GRB14: variants seen among roughly 807,000 people sequenced by gnomAD.
The protein encoded by GRB14 is growth factor receptor bound protein 14.
A neutral mutation model predicts 69.1 loss-of-function variants in GRB14; 38 were observed. The ratio of observed to expected loss-of-function variants is 0.55; its 90% CI spans 0.42 to 0.72. The LOEUF (loss-of-function observed/expected upper bound fraction) is 0.72. GRB14 is among the 30% of genes least tolerant of loss of function. The pLI is 0.00. For synonymous variants in GRB14, 247 were observed against 241.3 expected (o/e 1.02, Z -0.22); for missense variants, 666 against 666.1 (o/e 1.00, Z 0.00).
intron 6 of GRB14, among the ~76,000 whole-genome samples, chr2:164,511,023 C>G (rs1440973888): frequency 6.6e-6 from 1 of 152,038 alleles, no homozygotes; most frequent in East Asian, 1.9e-4. Flanking sequence ...CAAAACCGAA[C>G]TGAACTCAGC....
intron 6 of GRB14, among the ~76,000 whole-genome samples, chr2:164,513,556 A>C (rs1687395461): frequency 6.6e-6 from 1 of 152,216 alleles, no homozygotes; most frequent in Admixed American, 6.5e-5. Flanking sequence ...ATCCTAAGAC[A>C]AATGCAAAAG....
Position 164,621,342 on chromosome 2 carries a change from A to G in GRB14, c.-33T>C. The G allele has an allele frequency of 3.9e-6, 5 of 1,273,332 alleles. No individual in the cohort carries two copies. The highest frequency in any genetic ancestry group is 5.0e-6 in the Non-Finnish European group (5 of 1,009,394). The allele number at this position is 1,273,332 out of a possible 1,614,324, so 78.9% of individuals were successfully genotyped here. Reference sequence around the variant, plus strand: ...GGCCGGGGGGCTCGGGCGTCATGGGAGACTCGGCGCGTGGGGAGAAGGGGT... The same window carrying G: ...GGCCGGGGGGCTCGGGCGTCATGGGGGACTCGGCGCGTGGGGAGAAGGGGT... On this transcript the variant is annotated 5_prime_UTR_variant, in exon 1 of 14. Transcript: ENST00000263915. This position sits in a 1 kb window ranked among gnomAD's most constrained non-coding sequence, Gnocchi z 6.0.
chr2:164,586,777 T>C (rs1689549433), intron 2 of GRB14, among the ~76,000 whole-genome samples: 1 of 152,138 alleles, frequency 6.6e-6, no homozygotes, highest in Non-Finnish European at 1.5e-5. Context: ...AAGCAAGACA[T>C]CTGAAGGAGA....
intron 2 of GRB14, among the ~76,000 whole-genome samples, chr2:164,548,923 G>A (rs1427715305): frequency 6.6e-6 from 1 of 152,038 alleles, no homozygotes; most frequent in East Asian, 1.9e-4. Flanking sequence ...TGTTGCACAG[G>A]CTGGAGTGCA....
intron 2 of GRB14, 57 bp from the exon 3 acceptor site, chr2:164,547,873 A>C: frequency 8.0e-7 from 1 of 1,246,372 alleles, no homozygotes. Context: ...GTTTTTAATA[A>C]ATTTTATTGT....
At chr2:164,547,235 A>G (rs1228451914) in intron 3 of GRB14, among the ~76,000 whole-genome samples, 1 of 152,214 alleles carries the variant, frequency 6.6e-6, no homozygotes. Flanking sequence ...GACCCCAGCA[A>G]GACAGCGATA....
At chr2:164,523,292 T>C (rs1687682055) in intron 5 of GRB14, among the ~76,000 whole-genome samples, 1 of 151,990 alleles carries the variant, frequency 6.6e-6, no homozygotes, top group Non-Finnish European at 1.5e-5. Flanking sequence ...TGTTACATGG[T>C]AATAATTAAT....
chr2:164,541,403 C>T (rs1424264229), intron 3 of GRB14, among the ~76,000 whole-genome samples: 3 of 151,584 alleles, frequency 2.0e-5, no homozygotes, highest in African/African-American at 7.3e-5. Context: ...ACTTGGGAGG[C>T]GAAGGGTGCA....
intron 6 of GRB14, among the ~76,000 whole-genome samples, chr2:164,521,703 T>G (rs1687638024): frequency 6.6e-6 from 1 of 151,956 alleles, no homozygotes; most frequent in Non-Finnish European, 1.5e-5. Flanking sequence ...AAGCCAAGGA[T>G]GAGGAGAAAG....
At chr2:164,559,098 T>C (rs941833837) in intron 2 of GRB14, among the ~76,000 whole-genome samples, 4 of 152,148 alleles carry the variant, frequency 2.6e-5, no homozygotes, top group Non-Finnish European at 5.9e-5. Context: ...ATACAATCAA[T>C]AAAATATGCT....
At chr2:164,556,604 A>G (rs908572007) in intron 2 of GRB14, among the ~76,000 whole-genome samples, 1 of 152,030 alleles carries the variant, frequency 6.6e-6, no homozygotes, top group African/African-American at 2.4e-5. Flanking sequence ...GCCCTTGCAC[A>G]TGCTACTGCT....
chr2:164,558,875 A>G (rs562360515), intron 2 of GRB14, among the ~76,000 whole-genome samples: 1 of 152,334 alleles, frequency 6.6e-6, no homozygotes, highest in African/African-American at 2.4e-5. Flanking sequence ...TGTTTGCTAG[A>G]GCCCAAGACA....
intron 2 of GRB14, among the ~76,000 whole-genome samples, chr2:164,607,166 CT>C (rs1690061349): frequency 1.3e-5 from 2 of 152,186 alleles, no homozygotes; most frequent in South Asian, 4.1e-4. Context: ...CTAAATTTCA[CT>C]TTTCAAAGTT....
At chr2:164,493,225 C>T in intron 13 of GRB14, 43 bp from the exon 14 acceptor site, 1 of 1,569,164 alleles carries the variant, frequency 6.4e-7, no homozygotes, top group Non-Finnish European at 8.7e-7. Context: ...GGATAAATTA[C>T]ACAGAAGGAC....
Position 164,586,463 on chromosome 2 carries a change from T to G in GRB14, c.324+33224A>C, listed in dbSNP as rs146587181. Among the ~76,000 whole-genome samples the G allele has an allele frequency of 1.7e-3, 263 of 152,302 alleles. 1 individual carries two copies. Among genetic ancestry groups the G allele is most frequent in the Admixed American group, 3.0e-3 (46 of 15,292 alleles). ...CAGATGAACCCACATAAAAATACTA[T>G]AGATCCCCCTGTTGTCTTTTATAGA... On this transcript the variant is annotated intron_variant, in intron 2 of 13. Transcript: ENST00000263915.
chr2:164,592,495 G>A (rs916017531), intron 2 of GRB14, among the ~76,000 whole-genome samples: 1 of 152,074 alleles, frequency 6.6e-6, no homozygotes, highest in Admixed American at 6.6e-5. Context: ...TGAAACCTTT[G>A]GGAACCACCC....
chr2:164,587,394 G>A (rs1343866824), intron 2 of GRB14, among the ~76,000 whole-genome samples: 1 of 152,142 alleles, frequency 6.6e-6, no homozygotes, highest in East Asian at 1.9e-4. Flanking sequence ...TATCTAAGGT[G>A]AATTACTTTG....
At chr2:164,531,436 A>G (rs1574277853) in intron 3 of GRB14, among the ~76,000 whole-genome samples, 1 of 152,322 alleles carries the variant, frequency 6.6e-6, no homozygotes, top group East Asian at 1.9e-4. Flanking sequence ...CCTTGGACCC[A>G]TTACCTTCCT....
At chr2:164,549,619 T>C (rs911952455) in intron 2 of GRB14, among the ~76,000 whole-genome samples, 14 of 152,130 alleles carry the variant, frequency 9.2e-5, no homozygotes, top group African/African-American at 2.9e-4. Context: ...TCTCAGCACT[T>C]TGGGAGGTTT....
Sources: allele counts gnomAD v4.1 joint callset (sites outside exome capture counted in the v4.1 genomes callset), GRCh38; gene constraint gnomAD v4.1.1; non-coding constraint Gnocchi (gnomAD v3.1); transcripts MANE v1.5; gene names NCBI Gene and HGNC (gene_info 2026-07-23, HGNC 2026-07-21).